The following USP32 variants were observed in gnomAD, a reference collection of about 807,000 sequenced individuals.
USP32 encodes ubiquitin specific peptidase 32, also known as ubiquitin carboxyl-terminal hydrolase 32.
Under a neutral mutation model 204.8 loss-of-function variants are expected in USP32, and 59 were observed. That is an observed-to-expected ratio of 0.29 (90% CI 0.23 to 0.36). USP32 has a LOEUF of 0.36. Among genes scored for constraint, USP32 ranks in the 10% least tolerant of loss-of-function variants. USP32 has a pLI of 1.00. For synonymous variants in USP32, 517 were observed against 678.4 expected, an observed-to-expected ratio of 0.76 and a Z score of 3.70; for missense variants, 1,160 against 1,946.4, an observed-to-expected ratio of 0.60 and a Z score of 7.60.
chr17:60,297,298 C>T (rs2087455684), intron 3 of USP32, among the ~76,000 whole-genome samples: 1 of 152,072 alleles, frequency 6.6e-6, no homozygotes, highest in African/African-American at 2.4e-5. Flanking sequence ...ACTCAGAAGG[C>T]TGAAACAGGA....
intron 2 of USP32, among the ~76,000 whole-genome samples, chr17:60,309,515 T>A (rs540974816): frequency 3.9e-5 from 6 of 152,036 alleles, no homozygotes; most frequent in Non-Finnish European, 2.9e-5. Flanking sequence ...GGTGGGAGAA[T>A]CACCTGAGTC....
At chr17:60,277,982 A>G (rs1270119858) in intron 5 of USP32, among the ~76,000 whole-genome samples, 2 of 150,062 alleles carry the variant, frequency 1.3e-5, no homozygotes, top group Non-Finnish European at 3.0e-5. Context: ...TCATAGCTCA[A>G]TGTGGCCTCA....
intron 1 of USP32, among the ~76,000 whole-genome samples, chr17:60,373,179 C>CA (rs2089474995): frequency 6.6e-6 from 1 of 152,004 alleles, no homozygotes; most frequent in African/African-American, 2.4e-5. Flanking sequence ...GGTGACTGAA[C>CA]AAGACCCTGT....
intron 1 of USP32, among the ~76,000 whole-genome samples, chr17:60,356,910 T>TC (rs1170384332): frequency 2.0e-5 from 3 of 151,940 alleles, no homozygotes; most frequent in African/African-American, 7.3e-5. Context: ...AAAACATGCC[T>TC]AATGACTTCA....
At chr17:60,185,156 C>A (rs552337178) in intron 30 of USP32, among the ~76,000 whole-genome samples, 1 of 152,174 alleles carries the variant, frequency 6.6e-6, no homozygotes, top group African/African-American at 2.4e-5. Context: ...AGAAGTTTAA[C>A]CTCTCTTGAA....
At chr17:60,347,249 ATC>A (rs2146009822) in intron 1 of USP32, among the ~76,000 whole-genome samples, 1 of 151,420 alleles carries the variant, frequency 6.6e-6, no homozygotes, top group African/African-American at 2.4e-5. Context: ...CAGTGGCATG[ATC>A]TCAGGTCACT....
intron 16 of USP32, among the ~76,000 whole-genome samples, chr17:60,217,049 A>T (rs1444050771): frequency 9.2e-5 from 14 of 152,228 alleles, no homozygotes; most frequent in Non-Finnish European, 1.5e-4. Context: ...TCAGAAGCAT[A>T]TAAGTATAGT....
intron 2 of USP32, among the ~76,000 whole-genome samples, chr17:60,322,900 G>A (rs2088146852): frequency 6.6e-6 from 1 of 152,024 alleles, no homozygotes; most frequent in Admixed American, 6.6e-5. Flanking sequence ...ATTTGATCAA[G>A]AAATTTGAAC....
chr17:60,371,274 A>G (rs1251834762), intron 1 of USP32, among the ~76,000 whole-genome samples: 2 of 150,080 alleles, frequency 1.3e-5, no homozygotes, highest in African/African-American at 2.4e-5. Context: ...AAAAAAAAAA[A>G]AAAATTAAAT....
At chr17:60,220,261 TGTAA>T (rs2085210814) in intron 15 of USP32, among the ~76,000 whole-genome samples, 1 of 152,118 alleles carries the variant, frequency 6.6e-6, no homozygotes, top group African/African-American at 2.4e-5. Context: ...GCCAGTAATG[TGTAA>T]GTATACTACT....
At chr17:60,230,161 T>C (rs1363910273) in intron 12 of USP32, among the ~76,000 whole-genome samples, 1 of 152,230 alleles carries the variant, frequency 6.6e-6, no homozygotes, top group African/African-American at 2.4e-5. Context: ...TGAGGAAGAT[T>C]GGGTCTATTT....
At chr17:60,348,423 A>G (rs961003478) in intron 1 of USP32, among the ~76,000 whole-genome samples, 14 of 152,180 alleles carry the variant, frequency 9.2e-5, no homozygotes, top group Non-Finnish European at 1.9e-4. Context: ...GTAGAAGAGT[A>G]TGCTCTCCAA....
At chr17:60,414,626 G>A (rs2090046323) in intron 1 of USP32, among the ~76,000 whole-genome samples, 1 of 151,416 alleles carries the variant, frequency 6.6e-6, no homozygotes, top group South Asian at 2.1e-4. Flanking sequence ...ACGGGGTTTT[G>A]CCATGTTGGT....
rs969732125 is a variant in USP32 at position 60,353,885 on chromosome 17, C to T, written c.59-8277G>A. On this transcript the variant is annotated intron_variant, in intron 1 of 33. Transcript: ENST00000300896. ...AAACAAACATAAGAGAGCAGCACAA[C>T]GCTCATTGTCATGCTCTAAACTTTT... 2.6e-5 allele frequency among the ~76,000 whole-genome samples: 4 copies of T among 152,286 alleles called. No individual in the cohort carries two copies. The South Asian group carries it at 6.2e-4, about 24-fold the overall frequency.
chr17:60,385,363 C>CA (rs906203639), intron 1 of USP32, among the ~76,000 whole-genome samples: 4 of 152,158 alleles, frequency 2.6e-5, no homozygotes, highest in Non-Finnish European at 5.9e-5. Context: ...ATTGCTCACA[C>CA]AAAGTCTGTT....
At chr17:60,313,492 G>T (rs1234793584) in intron 2 of USP32, among the ~76,000 whole-genome samples, 1 of 151,834 alleles carries the variant, frequency 6.6e-6, no homozygotes, top group African/African-American at 2.4e-5. Context: ...AAAATAAAGG[G>T]CCCCTTGAAA....
At chr17:60,220,247 T>A (rs1051093565) in intron 15 of USP32, among the ~76,000 whole-genome samples, 2 of 152,142 alleles carry the variant, frequency 1.3e-5, no homozygotes, top group African/African-American at 4.8e-5. Context: ...CAATTTACAC[T>A]ATTGCCAGTA....
chr17:60,372,423 G>C (rs953163134), intron 1 of USP32, among the ~76,000 whole-genome samples: 1 of 151,948 alleles, frequency 6.6e-6, no homozygotes, highest in Non-Finnish European at 1.5e-5. Context: ...ATTACTCCTA[G>C]GCTACAAACC....
At chr17:60,194,355 G>C (rs990267318) in intron 27 of USP32, among the ~76,000 whole-genome samples, 6 of 152,218 alleles carry the variant, frequency 3.9e-5, no homozygotes, top group Middle Eastern at 3.4e-3. Context: ...CCTGCACTTT[G>C]TATTCTCATA....
Sources: allele counts gnomAD v4.1 joint callset (sites outside exome capture counted in the v4.1 genomes callset), GRCh38; gene constraint gnomAD v4.1.1; transcripts MANE v1.5; gene names NCBI Gene and HGNC (gene_info 2026-07-23, HGNC 2026-07-21).